Variants in NRP2 observed in about 807,000 individuals in gnomAD.
The protein encoded by NRP2 is neuropilin 2.
In NRP2, 52 loss-of-function variants were observed where a neutral mutation model predicts 110.4. That is an observed-to-expected ratio of 0.47 (90% CI 0.38 to 0.59). NRP2 has a LOEUF of 0.59. NRP2 is among the 20% of genes least tolerant of loss of function. The pLI, the probability that NRP2 is intolerant of heterozygous loss-of-function variation, is 0.00. For synonymous variants in NRP2, 508 were observed against 468.9 expected (o/e 1.08, Z -1.08); for missense variants, 1,049 against 1,203.0 (o/e 0.87, Z 1.89).
rs138411898 is a variant in NRP2 at position 205,695,395 on chromosome 2, C to A, written c.74-2149C>A. ...CCTGTCTTTATTGCTGATCTGTGTG[C>A]CTGGTCTAATTACTAAAAGTTTAAA... On this transcript the variant is annotated intron_variant, in intron 1 of 16. Transcript: ENST00000357785. Among the ~76,000 whole-genome samples, 14 of 152,148 alleles carry A rather than the reference C, an allele frequency of 9.2e-5. 1 individual carries two copies. Among genetic ancestry groups the A allele is most frequent in the African/African-American group, 3.4e-4 (14 of 41,498 alleles).
chr2:205,794,533 T>C (rs1186959327), intron 16 of NRP2, among the ~76,000 whole-genome samples: 3 of 152,202 alleles, frequency 2.0e-5, no homozygotes, highest in Non-Finnish European at 4.4e-5. Context: ...ATTATCCCCA[T>C]TTCAAAGAGG....
intron 10 of NRP2, among the ~76,000 whole-genome samples, chr2:205,747,222 A>G (rs145136087): frequency 6.6e-6 from 1 of 152,260 alleles, no homozygotes; most frequent in African/African-American, 2.4e-5. Flanking sequence ...ACTCACACAC[A>G]GTGGTGTATA....
At chr2:205,750,346 A>G (rs2057621827) in intron 11 of NRP2, among the ~76,000 whole-genome samples, 1 of 152,146 alleles carries the variant, frequency 6.6e-6, no homozygotes, top group Admixed American at 6.5e-5. Flanking sequence ...ACCGCCACCA[A>G]TTTGAGAAAG....
At position 205,750,614 on chromosome 2, in the gene NRP2, G is replaced by A. The variant is rs968313736; in HGVS notation, c.1903+773G>A. Among the ~76,000 whole-genome samples, 8 of 152,342 alleles carry A rather than the reference G, an allele frequency of 5.3e-5. No individual in the cohort carries two copies. In the South Asian group the frequency reaches 8.3e-4, roughly 16 times the overall value. ...TAAATCATACTGCTAAAGTCACCAA[G>A]TATGAGGACATTTATAAGAAACCAC... is the stretch of plus-strand genomic sequence containing the variant. On this transcript the variant is annotated intron_variant, in intron 11 of 16. Transcript: ENST00000357785.
At chr2:205,774,529 G>A (rs543088885) in intron 15 of NRP2, among the ~76,000 whole-genome samples, 5 of 152,354 alleles carry the variant, frequency 3.3e-5, no homozygotes, top group Non-Finnish European at 5.9e-5. Context: ...CTCTGCCAAT[G>A]TTGTGGGACT....
At chr2:205,734,414 G>A (rs1432616780) in intron 7 of NRP2, among the ~76,000 whole-genome samples, 1 of 22,764 alleles carries the variant, frequency 4.4e-5, no homozygotes, top group Non-Finnish European at 1.1e-4. Context: ...CCCCCACCCC[G>A]CATCGCAACA....
At chr2:205,765,367 C>CACAT (rs2057897687) in intron 13 of NRP2, 107 bp from the exon 14 acceptor site, 6 of 873,828 alleles carry the variant, frequency 6.9e-6, no homozygotes, top group Admixed American at 1.7e-5. Context: ...CACACACACA[C>CACAT]ATACACACAC....
At chr2:205,759,839 C>G (rs1241489990) in intron 12 of NRP2, 3 of 152,142 alleles carry the variant, frequency 2.0e-5, no homozygotes, top group African/African-American at 7.2e-5. Flanking sequence ...CTTAATGTGT[C>G]CTTGTTACTG....
chr2:205,712,803 C>T (rs929810934), intron 2 of NRP2, among the ~76,000 whole-genome samples: 1 of 152,226 alleles, frequency 6.6e-6, no homozygotes. Flanking sequence ...TTTCAGCTGC[C>T]GAACTGTAAC....
At chr2:205,753,592 G>A (rs2057687459) in intron 12 of NRP2, among the ~76,000 whole-genome samples, 1 of 152,156 alleles carries the variant, frequency 6.6e-6, no homozygotes, top group Admixed American at 6.5e-5. Context: ...AGCTTCTCCT[G>A]GCACTGCTGA....
Position 205,795,059 on chromosome 2 carries a change from C to T in NRP2, c.*1C>T, listed in dbSNP as rs368804091. The T allele has an allele frequency of 5.3e-5, 86 of 1,613,350 alleles. No homozygotes were observed. Among genetic ancestry groups the T allele is most frequent in the South Asian group, 3.3e-5 (3 of 90,952 alleles). ...CCAAAAGTGCTGCTCCGAGGCATGA[C>T]GGATTGCACCTGAATCCTATCTGAC... On this transcript the variant is annotated 3_prime_UTR_variant, in exon 17 of 17. Coordinates refer to ENST00000357785, the MANE Select transcript of NRP2 (RefSeq NM_003872.3).
chr2:205,727,858 G>A, intron 6 of NRP2, 33 bp from the exon 7 acceptor site: 2 of 1,598,824 alleles, frequency 1.3e-6, no homozygotes, highest in East Asian at 2.2e-5. Flanking sequence ...TGTTGGGAAT[G>A]GTGGTCTCTT....
intron 3 of NRP2, among the ~76,000 whole-genome samples, chr2:205,719,921 T>A (rs2056977018): frequency 6.6e-6 from 1 of 152,204 alleles, no homozygotes; most frequent in Admixed American, 6.5e-5. Context: ...ATCTTAGCCT[T>A]GAGTGGGCTT....
chr2:205,766,659 G>A (rs2057923611), intron 14 of NRP2, 124 bp from the exon 15 acceptor site: 1 of 838,146 alleles, frequency 1.2e-6, no homozygotes, highest in Non-Finnish European at 2.0e-6. Context: ...CCCTCTCCAT[G>A]GAGTGGTACA....
At chr2:205,775,805 G>A (rs908276703) in intron 15 of NRP2, among the ~76,000 whole-genome samples, 1 of 152,306 alleles carries the variant, frequency 6.6e-6, no homozygotes, top group Non-Finnish European at 1.5e-5. Context: ...TCATTTACTT[G>A]TATGTATTTG....
intron 16 of NRP2, among the ~76,000 whole-genome samples, chr2:205,792,568 A>T (rs2058313712): frequency 6.6e-6 from 1 of 152,228 alleles, no homozygotes; most frequent in African/African-American, 2.4e-5. Flanking sequence ...TAAACCCTTT[A>T]CAAGTGAAAG....
chr2:205,762,088 A>T (rs1463631189), intron 12 of NRP2: 1 of 152,196 alleles, frequency 6.6e-6, no homozygotes, highest in Non-Finnish European at 1.5e-5. Flanking sequence ...TCTTCTGTAG[A>T]CAGCTGCCTT....
At chr2:205,683,555 A>AGTGTGTGTGTGTGTGTGT (rs60199072) in intron 1 of NRP2, among the ~76,000 whole-genome samples, 192 bp downstream of exon 1, 4 of 150,022 alleles carry the variant, frequency 2.7e-5, no homozygotes, top group African/African-American at 9.8e-5. Flanking sequence ...TCCTGCTAGG[A>AGTGTGTGTGTGTGTGTGT]GTGTGTGTGT....
intron 15 of NRP2, chr2:205,767,104 G>A: frequency 4.2e-6 from 2 of 477,268 alleles, no homozygotes; most frequent in Non-Finnish European, 7.5e-6. Context: ...GGCTGAAAAT[G>A]CAGGGGTGGT....
Sources: gnomAD v4.1 joint callset for allele counts (sites outside exome capture counted in the v4.1 genomes callset) on GRCh38, gnomAD v4.1.1 for gene constraint, MANE v1.5 for transcripts, NCBI Gene and HGNC (gene_info 2026-07-23, HGNC 2026-07-21) for gene names.